RALGAPA1: variants seen among roughly 807,000 people sequenced by gnomAD.
RALGAPA1 encodes the protein Ral GTPase activating protein catalytic subunit alpha 1.
A neutral mutation model predicts 269.6 loss-of-function variants in RALGAPA1; 52 were observed. The ratio of observed to expected loss-of-function variants is 0.19; its 90% CI spans 0.15 to 0.24. The LOEUF is 0.24. Among genes scored for constraint, RALGAPA1 ranks in the 10% least tolerant of loss-of-function variants. RALGAPA1 has a pLI of 1.00. For synonymous variants in RALGAPA1, 817 were observed against 1,008.3 expected, an observed-to-expected ratio of 0.81 and a Z score of 3.60; for missense variants, 1,917 against 3,013.9, an observed-to-expected ratio of 0.64 and a Z score of 8.52.
At chr14:35,647,700 C>T (rs1000171167) in intron 31 of RALGAPA1, among the ~76,000 whole-genome samples, 1 of 152,090 alleles carries the variant, frequency 6.6e-6, no homozygotes, top group Non-Finnish European at 1.5e-5. Context: ...CGCCTGTAAT[C>T]CCAGCACTTT....
chr14:35,736,011 AC>A (rs2070959031), intron 12 of RALGAPA1, among the ~76,000 whole-genome samples: 1 of 152,334 alleles, frequency 6.6e-6, no homozygotes, highest in South Asian at 2.1e-4. Flanking sequence ...AATCTGACTT[AC>A]ATTTTACAGG....
intron 16 of RALGAPA1, among the ~76,000 whole-genome samples, chr14:35,704,993 A>AT (rs1193148626): frequency 2.0e-5 from 3 of 152,160 alleles, no homozygotes; most frequent in Non-Finnish European, 4.4e-5. Flanking sequence ...CAAAAAATAC[A>AT]TTTTTTTAAA....
intron 35 of RALGAPA1, among the ~76,000 whole-genome samples, chr14:35,613,989 G>T (rs929300643): frequency 6.6e-6 from 1 of 152,124 alleles, no homozygotes; most frequent in Non-Finnish European, 1.5e-5. Flanking sequence ...AAGCTGTACA[G>T]GAAAAAGCAA....
chr14:35,637,255 C>T (rs1291402996), intron 31 of RALGAPA1, among the ~76,000 whole-genome samples: 3 of 152,128 alleles, frequency 2.0e-5, no homozygotes, highest in Non-Finnish European at 2.9e-5. Context: ...CCCAGAGAGA[C>T]AGAGATGTCA....
At chr14:35,687,495 C>T (rs1346406780) in intron 18 of RALGAPA1, among the ~76,000 whole-genome samples, 1 of 152,162 alleles carries the variant, frequency 6.6e-6, no homozygotes, top group African/African-American at 2.4e-5. Flanking sequence ...CCAGGCTTTG[C>T]TAAGCTGTCA....
intron 1 of RALGAPA1, among the ~76,000 whole-genome samples, chr14:35,796,069 G>C (rs935875064): frequency 1.3e-5 from 2 of 152,100 alleles, no homozygotes; most frequent in Non-Finnish European, 2.9e-5. Context: ...AACAACCCAG[G>C]ATAAGAAAAG....
At chr14:35,614,444 T>TA (rs1042528456) in intron 35 of RALGAPA1, among the ~76,000 whole-genome samples, 14 of 150,460 alleles carry the variant, frequency 9.3e-5, no homozygotes, top group Middle Eastern at 3.2e-3. Flanking sequence ...TCATGCTAAG[T>TA]AAAAAAAAAG....
chr14:35,790,951 A>G (rs2076125417), intron 1 of RALGAPA1, among the ~76,000 whole-genome samples: 1 of 152,180 alleles, frequency 6.6e-6, no homozygotes, highest in Admixed American at 6.6e-5. Context: ...TATCTATTAA[A>G]AGTCCTTAAA....
At chr14:35,591,875 T>A (rs2058660110) in intron 37 of RALGAPA1, among the ~76,000 whole-genome samples, 1 of 152,182 alleles carries the variant, frequency 6.6e-6, no homozygotes. Context: ...GTACTGTTCT[T>A]GTGATAGAGA....
Position 35,809,223 on chromosome 14 carries a change from C to A in RALGAPA1, c.-388G>T, listed in dbSNP as rs190433592. 2 of 215,830 alleles carry A rather than the reference C, an allele frequency of 9.3e-6. No homozygotes were observed. Among genetic ancestry groups the A allele is most frequent in the African/African-American group, 2.4e-5 (1 of 42,262 alleles). 13.4% of individuals were successfully genotyped at this position (215,830 alleles called of 1,614,324 possible). ...CTCGGCGGCAGGAGCACAACTCTCT[C>A]CCTGAGGCCCCCTTAAGGTTGAAGC... On this transcript the variant is annotated 5_prime_UTR_variant, in exon 1 of 42. Transcript: ENST00000680220.
At chr14:35,714,797 C>T (rs1245655415) in intron 16 of RALGAPA1, among the ~76,000 whole-genome samples, 1 of 152,112 alleles carries the variant, frequency 6.6e-6, no homozygotes, top group Admixed American at 6.5e-5. Context: ...GAAGGTCAAT[C>T]CATAGCAAAG....
intron 12 of RALGAPA1, among the ~76,000 whole-genome samples, chr14:35,734,765 C>T (rs956163074): frequency 5.9e-5 from 9 of 151,984 alleles, no homozygotes; most frequent in East Asian, 3.9e-4. Context: ...AAAGAGAAAA[C>T]CCACAGAGTA....
At chr14:35,549,728 T>A (rs1226889558) in intron 39 of RALGAPA1, among the ~76,000 whole-genome samples, 1 of 152,200 alleles carries the variant, frequency 6.6e-6, no homozygotes, top group East Asian at 1.9e-4. Context: ...CCTACATATC[T>A]TCTTCTTTTT....
intron 31 of RALGAPA1, among the ~76,000 whole-genome samples, chr14:35,648,882 A>G (rs1249411529): frequency 6.6e-6 from 1 of 152,118 alleles, no homozygotes; most frequent in Non-Finnish European, 1.5e-5. Context: ...TCTCTCCTAG[A>G]CCTGGTGTTC....
chr14:35,792,173 T>C (rs973705315), intron 1 of RALGAPA1, among the ~76,000 whole-genome samples: 1 of 152,084 alleles, frequency 6.6e-6, no homozygotes, highest in Non-Finnish European at 1.5e-5. Flanking sequence ...TTTGGTTTTT[T>C]TGAGACAGAG....
chr14:35,673,177 TCA>T (rs1440518231), intron 24 of RALGAPA1, among the ~76,000 whole-genome samples, 155 bp from the exon 25 acceptor site: 1 of 152,224 alleles, frequency 6.6e-6, no homozygotes, highest in African/African-American at 2.4e-5. Flanking sequence ...AGTGAAATTA[TCA>T]TCATCCAAAA....
At chr14:35,663,636 C>T (rs1373264142) in intron 27 of RALGAPA1, among the ~76,000 whole-genome samples, 1 of 147,408 alleles carries the variant, frequency 6.8e-6, no homozygotes, top group Non-Finnish European at 1.5e-5. Context: ...GTTACCCAGG[C>T]TGGAGTGCAG....
At chr14:35,692,589 C>G (rs1367380782) in intron 17 of RALGAPA1, among the ~76,000 whole-genome samples, 1 of 149,786 alleles carries the variant, frequency 6.7e-6, no homozygotes, top group Non-Finnish European at 1.5e-5. Flanking sequence ...AAAAATGTAA[C>G]TGGTTTTTTT....
intron 7 of RALGAPA1, among the ~76,000 whole-genome samples, chr14:35,756,112 C>T (rs2073144144): frequency 6.6e-6 from 1 of 152,262 alleles, no homozygotes; most frequent in Admixed American, 6.5e-5. Flanking sequence ...TTCAGCTTTT[C>T]ATTTGAAGTA....
Sources: allele counts gnomAD v4.1 joint callset (sites outside exome capture counted in the v4.1 genomes callset), GRCh38; gene constraint gnomAD v4.1.1; transcripts MANE v1.5; gene names NCBI Gene and HGNC (gene_info 2026-07-23, HGNC 2026-07-21).